ZBTB20: variants seen among roughly 807,000 people sequenced by gnomAD.
The protein encoded by ZBTB20 is zinc finger and BTB domain-containing protein 20.
Under a neutral mutation model 56.9 loss-of-function variants are expected in ZBTB20, and 9 were observed. The ratio of observed to expected loss-of-function variants is 0.16; its 90% CI spans 0.10 to 0.28. The LOEUF is 0.28. ZBTB20 is among the 10% of genes least tolerant of loss of function. The probability of loss-of-function intolerance (pLI) is 1.00; values close to 1 mark genes in which losing one functional copy is unlikely to be tolerated. For missense variants in ZBTB20, 655 were observed against 1,003.0 expected, an observed-to-expected ratio of 0.65 and a Z score of 4.69; for synonymous variants, 417 against 420.7, an observed-to-expected ratio of 0.99 and a Z score of 0.11.
chr3:114,376,983 G>A (rs970456202), intron 10 of ZBTB20, among the ~76,000 whole-genome samples: 6 of 152,222 alleles, frequency 3.9e-5, no homozygotes, highest in Non-Finnish European at 7.3e-5. Context: ...ACATGTATAT[G>A]ACTGTGATGT....
At chr3:114,934,905 A>C (rs2076480821) in intron 3 of ZBTB20, among the ~76,000 whole-genome samples, 1 of 152,218 alleles carries the variant, frequency 6.6e-6, no homozygotes, top group South Asian at 2.1e-4. Context: ...GTAAAAATGC[A>C]TACAGTACTT....
intron 8 of ZBTB20, among the ~76,000 whole-genome samples, chr3:114,385,391 C>A (rs1272163763): frequency 1.3e-5 from 2 of 152,130 alleles, no homozygotes; most frequent in Non-Finnish European, 2.9e-5. Flanking sequence ...CATCTCTGAG[C>A]CTCATTTTCC....
chr3:114,673,041 T>G (rs115258222), intron 6 of ZBTB20, among the ~76,000 whole-genome samples: 26 of 152,258 alleles, frequency 1.7e-4, no homozygotes, highest in South Asian at 8.3e-4. Context: ...CACCTTGTCT[T>G]GTGTCAGGAT....
At chr3:114,949,469 C>A (rs1299456902) in intron 3 of ZBTB20, among the ~76,000 whole-genome samples, 1 of 146,196 alleles carries the variant, frequency 6.8e-6, no homozygotes, top group Non-Finnish European at 1.5e-5. Context: ...ACTTTTGTAA[C>A]CAAAAGACAA....
At chr3:114,481,788 T>G (rs1385959632) in intron 7 of ZBTB20, among the ~76,000 whole-genome samples, 1 of 152,228 alleles carries the variant, frequency 6.6e-6, no homozygotes, top group Non-Finnish European at 1.5e-5. Context: ...GTGCTATTGA[T>G]GCCCAGAGGC....
chr3:114,917,337 T>C (rs993670528), intron 3 of ZBTB20, among the ~76,000 whole-genome samples: 4 of 152,218 alleles, frequency 2.6e-5, no homozygotes, highest in African/African-American at 9.6e-5. Flanking sequence ...TCACGTTATC[T>C]CTGTGTTTCT....
Position 114,562,233 on chromosome 3 carries a change from C to A in ZBTB20, c.-294-61842G>T, listed in dbSNP as rs553782958. Among the ~76,000 whole-genome samples the A allele has an allele frequency of 4.7e-4, 70 of 150,288 alleles. 1 individual carries two copies. The highest frequency in any genetic ancestry group is 3.4e-3 in the Middle Eastern group (1 of 292). ...AGGCTGGAGTGCAGTGGTGCCATCT[C>A]GGCTCACTGCAACCTCCGCCTCCCA... On this transcript the variant is annotated intron_variant, in intron 6 of 11. Transcript: ENST00000675478.
chr3:115,078,435 A>C lies in ZBTB20; in HGVS notation c.-702-7021T>G, dbSNP rs138570078. 5.9e-5 allele frequency among the ~76,000 whole-genome samples: 9 copies of C among 152,168 alleles called. No homozygotes were observed. The East Asian group carries it at 1.5e-3, about 26-fold the overall frequency. On this transcript the variant is annotated intron_variant, in intron 1 of 11. Transcript: ENST00000675478. ...TCCTCAGAAATTTTATCCACAAGTAACTAAAGTTTTCACATGTTTCACTCA... is the reference window on the plus strand; with the variant it reads ...TCCTCAGAAATTTTATCCACAAGTACCTAAAGTTTTCACATGTTTCACTCA...
intron 6 of ZBTB20, among the ~76,000 whole-genome samples, chr3:114,532,212 G>A (rs1181449420): frequency 6.6e-6 from 1 of 152,178 alleles, no homozygotes; most frequent in African/African-American, 2.4e-5. Context: ...CACCCCCATG[G>A]AGCCAAGCAA....
intron 4 of ZBTB20, among the ~76,000 whole-genome samples, chr3:114,878,600 T>C (rs1228703647): frequency 7.0e-6 from 1 of 142,386 alleles, no homozygotes; most frequent in Non-Finnish European, 1.5e-5. Context: ...AAAAAAGAAC[T>C]GAAAACCAGG....
intron 4 of ZBTB20, among the ~76,000 whole-genome samples, chr3:114,832,481 CAATCTATTCTAACAA>C (rs2073903635): frequency 6.6e-6 from 1 of 152,126 alleles, no homozygotes; most frequent in African/African-American, 2.4e-5. Flanking sequence ...AAGAATGTGG[CAATCTATTCTAACAA>C]AGTAAATTCC....
intron 3 of ZBTB20, among the ~76,000 whole-genome samples, chr3:114,914,759 GTTTTT>G (rs555516253): frequency 6.8e-6 from 1 of 147,390 alleles, no homozygotes; most frequent in Admixed American, 6.8e-5. Context: ...TTTTTTGAGG[GTTTTT>G]TTTTTATCAT....
chr3:114,921,889 G>C (rs1396128604), intron 3 of ZBTB20, among the ~76,000 whole-genome samples: 1 of 152,002 alleles, frequency 6.6e-6, no homozygotes, highest in Non-Finnish European at 1.5e-5. Context: ...TATATATAAA[G>C]AGTGCTACAA....
At chr3:114,939,378 A>G (rs774328598) in intron 3 of ZBTB20, among the ~76,000 whole-genome samples, 11 of 146,496 alleles carry the variant, frequency 7.5e-5, no homozygotes, top group Non-Finnish European at 1.5e-4. Context: ...GGCTATTACA[A>G]TGGAAAACTT....
chr3:115,033,329 G>A (rs2080780053), intron 2 of ZBTB20, among the ~76,000 whole-genome samples: 1 of 151,418 alleles, frequency 6.6e-6, no homozygotes, highest in South Asian at 2.1e-4. Context: ...TAGAAAATCT[G>A]AATAGACCTA....
rs1560017030 is a variant in ZBTB20 at position 114,599,494 on chromosome 3, AATAC to A, written c.-295+94030_-295+94033del. The A allele has an allele frequency of 1.3e-5, 2 of 152,008 alleles. 1 individual carries two copies. The highest frequency in any genetic ancestry group is 2.9e-5 in the Non-Finnish European group (2 of 67,962). 9.4% of individuals were successfully genotyped at this position (152,008 alleles called of 1,614,324 possible). A position where few individuals can be genotyped will look rare whatever the true frequency, so the allele number is the denominator to read the frequency against. On this transcript the variant is annotated intron_variant, in intron 6 of 11. Coordinates refer to ENST00000675478, the MANE Select transcript of ZBTB20 (RefSeq NM_001348800.3). Reference sequence around the variant, plus strand: ...GGTATGAACCTTCTCTTTCATGCAAAATACCTTGGTATAACTGTTCATCTTTTAA... The same window carrying A: ...GGTATGAACCTTCTCTTTCATGCAAACTTGGTATAACTGTTCATCTTTTAA...
intron 7 of ZBTB20, among the ~76,000 whole-genome samples, chr3:114,446,341 C>G (rs1057418453): frequency 6.6e-6 from 1 of 152,082 alleles, no homozygotes; most frequent in African/African-American, 2.4e-5. Flanking sequence ...TTGTTTTAAA[C>G]TACTTTAAAC....
intron 6 of ZBTB20, among the ~76,000 whole-genome samples, chr3:114,573,793 T>A: frequency 6.6e-6 from 1 of 152,272 alleles, no homozygotes; most frequent in East Asian, 1.9e-4. Context: ...CTTTTCTAAG[T>A]TGAATTATTA....
chr3:114,910,937 C>T (rs1024869360), intron 3 of ZBTB20, among the ~76,000 whole-genome samples: 4 of 151,976 alleles, frequency 2.6e-5, no homozygotes, highest in South Asian at 2.1e-4. Context: ...GTTTTCTTCA[C>T]GTTTATTGTG....
Sources: allele counts gnomAD v4.1 joint callset (sites outside exome capture counted in the v4.1 genomes callset), GRCh38; gene constraint gnomAD v4.1.1; transcripts MANE v1.5; gene names NCBI Gene and HGNC (gene_info 2026-07-23, HGNC 2026-07-21).